CNTNAP5: variants seen among roughly 807,000 people sequenced by gnomAD.
The protein encoded by CNTNAP5 is contactin associated protein family member 5, also known as contactin-associated protein-like 5.
In CNTNAP5, 72 loss-of-function variants were observed where a neutral mutation model predicts 150.2. That is an observed-to-expected ratio of 0.48 (90% CI 0.40 to 0.58). The LOEUF is 0.58. CNTNAP5 is among the 20% of genes least tolerant of loss of function. CNTNAP5 has a pLI of 0.00. For missense variants in CNTNAP5, 1,636 were observed against 1,626.2 expected (o/e 1.01, Z -0.10); for synonymous variants, 672 against 619.8 (o/e 1.08, Z -1.25).
chr2:124,356,383 T>C (rs1014640862), intron 3 of CNTNAP5, among the ~76,000 whole-genome samples: 3 of 151,168 alleles, frequency 2.0e-5, no homozygotes, highest in African/African-American at 4.9e-5. Context: ...TGTATACATG[T>C]GCCATGCTGG....
chr2:124,541,263 G>GT, intron 10 of CNTNAP5, among the ~76,000 whole-genome samples: 1 of 132,792 alleles, frequency 7.5e-6, no homozygotes, highest in Middle Eastern at 4.9e-3. Context: ...CCCAAAACAT[G>GT]TATGTGCTGG....
intron 1 of CNTNAP5, among the ~76,000 whole-genome samples, chr2:124,191,876 G>A (rs762501121): frequency 3.4e-4 from 52 of 151,808 alleles, no homozygotes; most frequent in Non-Finnish European, 6.0e-4. Context: ...TCCAGCCTGG[G>A]CAACAGAGCG....
At chr2:124,690,089 A>C (rs1342059487) in intron 13 of CNTNAP5, among the ~76,000 whole-genome samples, 1 of 152,006 alleles carries the variant, frequency 6.6e-6, no homozygotes, top group East Asian at 1.9e-4. Context: ...TGCTTTAAAA[A>C]CCTTATGTTA....
At chr2:124,799,797 C>T (rs1681927700) in intron 19 of CNTNAP5, among the ~76,000 whole-genome samples, 1 of 152,034 alleles carries the variant, frequency 6.6e-6, no homozygotes, top group East Asian at 1.9e-4. Flanking sequence ...GATGATGGAC[C>T]ACATGATGTT....
At chr2:124,796,686 AG>A (rs1289527546) in intron 18 of CNTNAP5, among the ~76,000 whole-genome samples, 2 of 152,246 alleles carry the variant, frequency 1.3e-5, no homozygotes, top group Non-Finnish European at 2.9e-5. Context: ...AGGAAGAAAA[AG>A]CCAGGTATTA....
At chr2:124,601,084 T>C (rs1440572219) in intron 11 of CNTNAP5, among the ~76,000 whole-genome samples, 1 of 152,184 alleles carries the variant, frequency 6.6e-6, no homozygotes, top group Non-Finnish European at 1.5e-5. Flanking sequence ...ACTTGGTGAT[T>C]GCTCCTTCAC....
chr2:124,799,809 A>C (rs1681927806), intron 19 of CNTNAP5, among the ~76,000 whole-genome samples: 1 of 152,212 alleles, frequency 6.6e-6, no homozygotes, highest in South Asian at 2.1e-4. Flanking sequence ...CATGATGTTA[A>C]CAGGTGTCCT....
At chr2:124,736,809 G>A (rs1384915588) in intron 13 of CNTNAP5, among the ~76,000 whole-genome samples, 1 of 151,306 alleles carries the variant, frequency 6.6e-6, no homozygotes, top group Non-Finnish European at 1.5e-5. Context: ...CTTTTTTTTG[G>A]CATTTGGTCA....
intron 10 of CNTNAP5, among the ~76,000 whole-genome samples, chr2:124,543,831 G>T (rs533977271): frequency 2.6e-5 from 4 of 152,040 alleles, no homozygotes; most frequent in Non-Finnish European, 4.4e-5. Flanking sequence ...TAATAAAAAG[G>T]AATATAGAAG....
intron 3 of CNTNAP5, among the ~76,000 whole-genome samples, chr2:124,417,028 C>T (rs182468942): frequency 4.2e-4 from 63 of 150,480 alleles, no homozygotes; most frequent in African/African-American, 1.4e-3. Context: ...ACCTCCGCCT[C>T]CTGGGTTCAA....
chr2:124,813,226 GC>G (rs1044302734), intron 19 of CNTNAP5, among the ~76,000 whole-genome samples: 6 of 151,690 alleles, frequency 4.0e-5, no homozygotes, highest in African/African-American at 1.5e-4. Context: ...ATAGGTGCCC[GC>G]CACCATGTCC....
chr2:124,666,835 C>T (rs1237938174), intron 13 of CNTNAP5, among the ~76,000 whole-genome samples: 1 of 152,118 alleles, frequency 6.6e-6, no homozygotes, highest in Non-Finnish European at 1.5e-5. Context: ...CAGCAGCTTG[C>T]GTTTCTTTCC....
At chr2:124,197,114 T>C (rs925395163) in intron 1 of CNTNAP5, among the ~76,000 whole-genome samples, 1 of 152,364 alleles carries the variant, frequency 6.6e-6, no homozygotes, top group Non-Finnish European at 1.5e-5. Context: ...TATATAAATA[T>C]GTATAAATTA....
At chr2:124,227,669 TG>T (rs1686497546) in intron 2 of CNTNAP5, among the ~76,000 whole-genome samples, 1 of 151,624 alleles carries the variant, frequency 6.6e-6, no homozygotes, top group Admixed American at 6.6e-5. Context: ...TGTGTGTGTG[TG>T]TGTGTGTGTA....
intron 3 of CNTNAP5, among the ~76,000 whole-genome samples, chr2:124,315,961 A>G (rs967898665): frequency 3.9e-5 from 6 of 152,216 alleles, no homozygotes; most frequent in Non-Finnish European, 8.8e-5. Flanking sequence ...GTAAGTCCTG[A>G]TATAACTACT....
chr2:124,048,951 TTTTC>T (rs1353947730), intron 1 of CNTNAP5, among the ~76,000 whole-genome samples: 3 of 152,204 alleles, frequency 2.0e-5, no homozygotes, highest in African/African-American at 7.2e-5. Flanking sequence ...GCAAGTTTGT[TTTTC>T]TTTCTTTAAT....
At chr2:124,476,424 G>T (rs1693642328) in intron 7 of CNTNAP5, among the ~76,000 whole-genome samples, 1 of 152,068 alleles carries the variant, frequency 6.6e-6, no homozygotes, top group African/African-American at 2.4e-5. Flanking sequence ...CATGTGATCT[G>T]CAGTGACATC....
chr2:124,138,730 AT>A lies in CNTNAP5; in HGVS notation c.83-82974del, dbSNP rs570763866. Among the ~76,000 whole-genome samples, 524 of 152,294 alleles carry A rather than the reference AT, an allele frequency of 3.4e-3. 3 individuals are homozygous for A. The highest frequency in any genetic ancestry group is 0.012 in the African/African-American group (513 of 41,560). On this transcript the variant is annotated intron_variant, in intron 1 of 23. Coordinates refer to ENST00000682447, the MANE Select transcript of CNTNAP5 (RefSeq NM_001367498.1). Reference sequence around the variant, plus strand: ...AATTTGATTATTGACAGAAAAATAAATGGCTCTATTATTTGTCTAGAATCTC... The same window carrying A: ...AATTTGATTATTGACAGAAAAATAAAGGCTCTATTATTTGTCTAGAATCTC...
chr2:124,912,026 G>C (rs1363862488), intron 23 of CNTNAP5, among the ~76,000 whole-genome samples: 3 of 152,058 alleles, frequency 2.0e-5, no homozygotes, highest in Non-Finnish European at 1.5e-5. Flanking sequence ...TGCACATATG[G>C]TTACAGATGC....
Sources: gnomAD v4.1 joint callset for allele counts (sites outside exome capture counted in the v4.1 genomes callset) on GRCh38, gnomAD v4.1.1 for gene constraint, MANE v1.5 for transcripts, NCBI Gene and HGNC (gene_info 2026-07-23, HGNC 2026-07-21) for gene names.